PRKACB: variants seen among roughly 807,000 people sequenced by gnomAD.
PRKACB encodes the protein protein kinase cAMP-activated catalytic subunit beta.
Under a neutral mutation model 51.4 loss-of-function variants are expected in PRKACB, and 16 were observed. The observed-to-expected ratio is 0.31, with a 90% CI of 0.21 to 0.47. The LOEUF (loss-of-function observed/expected upper bound fraction) is 0.47. Ranked by LOEUF, PRKACB falls within the 20% of genes least tolerant of loss-of-function variation. The pLI, the probability that PRKACB is intolerant of heterozygous loss-of-function variation, is 1.00. For synonymous variants in PRKACB, 147 were observed against 154.4 expected (o/e 0.95, Z 0.35); for missense variants, 309 against 464.5 (o/e 0.67, Z 3.08).
chr1:84,161,868 T>A (rs1184752200), intron 1 of PRKACB, among the ~76,000 whole-genome samples: 1 of 151,952 alleles, frequency 6.6e-6, no homozygotes. Flanking sequence ...ACAGAAAAAA[T>A]GTGTATTTAT....
At chr1:84,208,410 C>T (rs569537202) in intron 8 of PRKACB, among the ~76,000 whole-genome samples, 1 of 152,280 alleles carries the variant, frequency 6.6e-6, no homozygotes, top group South Asian at 2.1e-4. Flanking sequence ...AGGATATCAG[C>T]CATATTGACA....
At chr1:84,185,986 G>A (rs1160421351) in intron 5 of PRKACB, among the ~76,000 whole-genome samples, 2 of 152,034 alleles carry the variant, frequency 1.3e-5, no homozygotes, top group Non-Finnish European at 2.9e-5. Context: ...ACAAAGAAAA[G>A]GTTGGAGGTT....
chr1:84,235,163 C>G lies in PRKACB; in HGVS notation c.1072-17C>G. On this transcript the variant is annotated splice_polypyrimidine_tract_variant and intron_variant, in intron 9 of 9. Coordinates refer to ENST00000370685, the MANE Select transcript of PRKACB (RefSeq NM_182948.4). ...TTTTTTTCCTTTTTCTTATTTTTCT[C>G]TCCCTCTCAATTATAGGTTGAAGCT... The G allele has an allele frequency of 6.4e-7, 1 of 1,573,748 alleles. No homozygotes were observed. The highest frequency in any genetic ancestry group is 8.6e-7 in the Non-Finnish European group (1 of 1,165,534).
intron 1 of PRKACB, among the ~76,000 whole-genome samples, chr1:84,091,109 A>T (rs1441866217): frequency 2.0e-5 from 3 of 151,882 alleles, no homozygotes; most frequent in African/African-American, 7.3e-5. Context: ...CTGGCCTGTG[A>T]TTTACAGTAT....
intron 1 of PRKACB, among the ~76,000 whole-genome samples, chr1:84,101,290 T>G (rs949171769): frequency 1.3e-5 from 2 of 152,150 alleles, no homozygotes; most frequent in Non-Finnish European, 2.9e-5. Context: ...TTTCAACTGA[T>G]TGAGTCAGAT....
chr1:84,218,460 T>G (rs1407883895), intron 9 of PRKACB, among the ~76,000 whole-genome samples: 1 of 152,228 alleles, frequency 6.6e-6, no homozygotes, highest in African/African-American at 2.4e-5. Context: ...ATGATCTGTT[T>G]CTATCCATGT....
intron 1 of PRKACB, among the ~76,000 whole-genome samples, chr1:84,127,890 G>C (rs1651769420): frequency 6.6e-6 from 1 of 151,216 alleles, no homozygotes; most frequent in Non-Finnish European, 1.5e-5. Flanking sequence ...GGAATTTTTT[G>C]TTTAAAGTAA....
At chr1:84,181,540 G>A (rs1663473794) in intron 2 of PRKACB, 1 of 519,560 alleles carries the variant, frequency 1.9e-6, no homozygotes, top group Non-Finnish European at 3.0e-6. Context: ...TCTGATTATT[G>A]TTCTGGGATT....
intron 1 of PRKACB, among the ~76,000 whole-genome samples, chr1:84,084,742 T>C (rs1647828522): frequency 6.6e-6 from 1 of 152,072 alleles, no homozygotes. Context: ...CCATGGTAGA[T>C]GGGTTGTAAC....
At chr1:84,088,317 T>C (rs1014471421) in intron 1 of PRKACB, among the ~76,000 whole-genome samples, 1 of 152,224 alleles carries the variant, frequency 6.6e-6, no homozygotes, top group African/African-American at 2.4e-5. Context: ...CTGTGGAATC[T>C]AAACCTTTAG....
chr1:84,202,556 A>G (rs1670429403), intron 7 of PRKACB, 127 bp from the exon 8 acceptor site: 1 of 868,182 alleles, frequency 1.2e-6, no homozygotes, highest in African/African-American at 1.7e-5. Flanking sequence ...TTCTGTCCTG[A>G]ATAGCTGCTC....
intron 1 of PRKACB, among the ~76,000 whole-genome samples, chr1:84,160,150 A>G (rs911448293): frequency 6.6e-6 from 1 of 152,016 alleles, no homozygotes; most frequent in Non-Finnish European, 1.5e-5. Flanking sequence ...TTATCTTTGA[A>G]TGTTTCATAT....
chr1:84,112,266 T>G (rs1650298839), intron 1 of PRKACB, among the ~76,000 whole-genome samples: 1 of 139,188 alleles, frequency 7.2e-6, no homozygotes, highest in Non-Finnish European at 1.5e-5. Flanking sequence ...GGAATCTCAC[T>G]CTGTCTCCCA....
In PRKACB at chr1:84,236,287, A is replaced by G. The variant is rs1251406791; in HGVS notation, c.*982A>G. ...AACATTGGTTTAGATAAATACTTAT[A>G]CTTTGCAAAGTCAAAAATGGCTTGA... On this transcript the variant is annotated 3_prime_UTR_variant, in exon 10 of 10. Transcript: ENST00000370685. 6.6e-6 allele frequency: 1 copy of G among 152,646 alleles called. No homozygotes were observed. Among genetic ancestry groups the G allele is most frequent in the Admixed American group, 6.5e-5 (1 of 15,284 alleles). The allele number at this position is 152,646 out of a possible 1,614,324, so 9.5% of individuals were successfully genotyped here. A position where few individuals can be genotyped will look rare whatever the true frequency, so the allele number is the denominator to read the frequency against.
intron 1 of PRKACB, among the ~76,000 whole-genome samples, chr1:84,097,122 A>AT (rs1557923082): frequency 6.6e-6 from 1 of 151,656 alleles, no homozygotes; most frequent in African/African-American, 2.4e-5. Context: ...TACACAATTT[A>AT]TTTTTTCTTT....
intron 9 of PRKACB, among the ~76,000 whole-genome samples, chr1:84,231,174 G>A (rs534599174): frequency 6.6e-6 from 1 of 152,234 alleles, no homozygotes; most frequent in African/African-American, 2.4e-5. Context: ...CATCTATTGA[G>A]ATAATCATGT....
In PRKACB at chr1:84,204,479, C is replaced by T. The variant is rs765806784; in HGVS notation, c.906+1674C>T. The T allele has an allele frequency of 3.2e-5, 50 of 1,586,156 alleles. 1 individual carries two copies. The Admixed American group carries it at 4.4e-4, about 14-fold the overall frequency. On this transcript the variant is annotated intron_variant, in intron 8 of 9. Coordinates refer to ENST00000370685, the MANE Select transcript of PRKACB (RefSeq NM_182948.4). Reference sequence around the variant, plus strand: ...TATCTTTGTAATTGTTTTCTCCCAGCAGAACTTTTGATATGAACAAAACAA... The same window carrying T: ...TATCTTTGTAATTGTTTTCTCCCAGTAGAACTTTTGATATGAACAAAACAA...
intron 1 of PRKACB, among the ~76,000 whole-genome samples, chr1:84,151,683 C>T (rs1266231044): frequency 6.6e-6 from 1 of 152,192 alleles, no homozygotes; most frequent in African/African-American, 2.4e-5. Flanking sequence ...CAAGAAACTA[C>T]TTTCTTTGCT....
intron 1 of PRKACB, among the ~76,000 whole-genome samples, chr1:84,093,663 G>A (rs965954421): frequency 6.6e-6 from 1 of 151,802 alleles, no homozygotes; most frequent in Non-Finnish European, 1.5e-5. Flanking sequence ...TCTTGAGATT[G>A]CATTGAATAT....
Sources: allele counts gnomAD v4.1 joint callset (sites outside exome capture counted in the v4.1 genomes callset), GRCh38; gene constraint gnomAD v4.1.1; transcripts MANE v1.5; gene names NCBI Gene and HGNC (gene_info 2026-07-23, HGNC 2026-07-21).